LPAR3: variants seen among roughly 807,000 people sequenced by gnomAD.
LPAR3 encodes LPA receptor 3.
In LPAR3, 7 loss-of-function variants were observed where a neutral mutation model predicts 17.8. That is an observed-to-expected ratio of 0.39 (90% CI 0.22 to 0.74). LPAR3 has a LOEUF of 0.74. LPAR3 is among the 30% of genes least tolerant of loss of function. The pLI, the probability that LPAR3 is intolerant of heterozygous loss-of-function variation, is 0.40. For synonymous variants in LPAR3, 179 were observed against 179.9 expected, an observed-to-expected ratio of 0.99 and a Z score of 0.04; for missense variants, 391 against 453.4, an observed-to-expected ratio of 0.86 and a Z score of 1.25.
intron 2 of LPAR3, among the ~76,000 whole-genome samples, chr1:84,844,550 ATG>A (rs1185169169): frequency 6.6e-6 from 1 of 152,192 alleles, no homozygotes; most frequent in Non-Finnish European, 1.5e-5. Flanking sequence ...ATGCTTGGAG[ATG>A]TATATAAAAC....
At chr1:84,862,395 A>G (rs1467507381) in intron 2 of LPAR3, among the ~76,000 whole-genome samples, 1 of 152,174 alleles carries the variant, frequency 6.6e-6, no homozygotes, top group Non-Finnish European at 1.5e-5. Flanking sequence ...AAATATGTGA[A>G]CTCTAGAGGC....
At chr1:84,861,158 C>T (rs1194361192) in intron 2 of LPAR3, among the ~76,000 whole-genome samples, 1 of 152,202 alleles carries the variant, frequency 6.6e-6, no homozygotes, top group Non-Finnish European at 1.5e-5. Context: ...GAGTATTAAG[C>T]TATTCATCTC....
At chr1:84,817,502 T>G (rs1658960533) in intron 2 of LPAR3, among the ~76,000 whole-genome samples, 2 of 152,158 alleles carry the variant, frequency 1.3e-5, no homozygotes, top group Non-Finnish European at 1.5e-5. Flanking sequence ...GAGAGAGATC[T>G]TGGCCTCCAG....
At chr1:84,861,328 T>C (rs1331629377) in intron 2 of LPAR3, among the ~76,000 whole-genome samples, 2 of 152,128 alleles carry the variant, frequency 1.3e-5, no homozygotes, top group Admixed American at 1.3e-4. Flanking sequence ...CTGTGGTAGG[T>C]GCTGCTGTCA....
In LPAR3 at chr1:84,821,611, C is replaced by T. The variant is rs572225533; in HGVS notation, c.737-7440G>A. Among the ~76,000 whole-genome samples, 6 of 152,260 alleles carry T rather than the reference C, an allele frequency of 3.9e-5. No individual in the cohort carries two copies. The South Asian group carries it at 1.2e-3, about 32-fold the overall frequency. On this transcript the variant is annotated intron_variant, in intron 2 of 2. Coordinates refer to ENST00000370611, the MANE Select transcript of LPAR3 (RefSeq NM_012152.3). ...AGTGAGGAAGGTGTGATCTAGGCAT[C>T]TCCATGTTAGCCATCTCCCTAGGGA...
intron 2 of LPAR3, among the ~76,000 whole-genome samples, chr1:84,826,201 A>G (rs1404006640): frequency 6.6e-6 from 1 of 151,238 alleles, no homozygotes; most frequent in Non-Finnish European, 1.5e-5. Context: ...AGTGCTCAAC[A>G]GCTATATCTT....
chr1:84,821,541 G>A (rs757283798), intron 2 of LPAR3, among the ~76,000 whole-genome samples: 7 of 152,160 alleles, frequency 4.6e-5, no homozygotes, highest in African/African-American at 7.2e-5. Flanking sequence ...TGGGCTGCCT[G>A]CTTAATATTC....
At chr1:84,845,482 G>A (rs1659578717) in intron 2 of LPAR3, among the ~76,000 whole-genome samples, 1 of 152,126 alleles carries the variant, frequency 6.6e-6, no homozygotes, top group Non-Finnish European at 1.5e-5. Context: ...TAGGTATAAA[G>A]GCCCTGTAAA....
chr1:84,838,242 T>A (rs1393964081), intron 2 of LPAR3, among the ~76,000 whole-genome samples: 1 of 152,166 alleles, frequency 6.6e-6, no homozygotes, highest in Non-Finnish European at 1.5e-5. Flanking sequence ...GCCACTAGCC[T>A]CTGTGCATGA....
At chr1:84,872,590 C>A (rs1382079528) in intron 1 of LPAR3, among the ~76,000 whole-genome samples, 2 of 152,020 alleles carry the variant, frequency 1.3e-5, no homozygotes, top group Non-Finnish European at 2.9e-5. Context: ...ATCCATGAGT[C>A]CATACTGACA....
At chr1:84,879,219 T>C (rs1264792593) in intron 1 of LPAR3, among the ~76,000 whole-genome samples, 1 of 152,228 alleles carries the variant, frequency 6.6e-6, no homozygotes, top group Non-Finnish European at 1.5e-5. Context: ...CTGTGACTTC[T>C]TTTGTAATTA....
At chr1:84,825,050 C>T (rs1157928631) in intron 2 of LPAR3, among the ~76,000 whole-genome samples, 1 of 152,186 alleles carries the variant, frequency 6.6e-6, no homozygotes, top group African/African-American at 2.4e-5. Context: ...TTTCTCTGCT[C>T]CCAGTATCTC....
At position 84,813,368 on chromosome 1, in the gene LPAR3, G is replaced by C. The variant is rs1271135105; in HGVS notation, c.*478C>G. ...GATTCCTACTGAACACCTAGCTACT[G>C]GCCATGGTTTCTTTGAGGAAAAAAA... On this transcript the variant is annotated 3_prime_UTR_variant, in exon 3 of 3. Coordinates refer to ENST00000370611, the MANE Select transcript of LPAR3 (RefSeq NM_012152.3). 1 of 152,552 alleles carries C rather than the reference G, an allele frequency of 6.6e-6. No homozygotes were observed. The highest frequency in any genetic ancestry group is 1.5e-5 in the Non-Finnish European group (1 of 68,618). The allele number at this position is 152,552 out of a possible 1,614,324, so 9.4% of individuals were successfully genotyped here. A position where few individuals can be genotyped will look rare whatever the true frequency, so the allele number is the denominator to read the frequency against.
intron 2 of LPAR3, among the ~76,000 whole-genome samples, chr1:84,850,880 A>C (rs1028478993): frequency 6.6e-5 from 10 of 152,228 alleles, no homozygotes; most frequent in African/African-American, 2.4e-4. Context: ...AGTTACGATC[A>C]GCACAAGGAC....
chr1:84,860,985 C>T (rs1423839279), intron 2 of LPAR3, among the ~76,000 whole-genome samples: 6 of 152,002 alleles, frequency 3.9e-5, no homozygotes, highest in South Asian at 2.1e-4. Context: ...GTGATCCGCC[C>T]GCCTCGGCCT....
chr1:84,889,636 C>T (rs767633639), intron 1 of LPAR3, among the ~76,000 whole-genome samples: 2 of 152,200 alleles, frequency 1.3e-5, no homozygotes, highest in Non-Finnish European at 2.9e-5. Context: ...ACCTTTGATG[C>T]TATTTCCTCC....
intron 2 of LPAR3, among the ~76,000 whole-genome samples, chr1:84,835,620 T>G (rs1308558695): frequency 1.3e-5 from 2 of 152,226 alleles, no homozygotes; most frequent in Non-Finnish European, 2.9e-5. Context: ...TTCCCACATA[T>G]TTTGCCACTT....
chr1:84,888,683 C>G (rs1314218548), intron 1 of LPAR3, among the ~76,000 whole-genome samples: 4 of 152,144 alleles, frequency 2.6e-5, no homozygotes, highest in African/African-American at 4.8e-5. Context: ...TTATTTAGAC[C>G]GCATGTTTGC....
intron 2 of LPAR3, among the ~76,000 whole-genome samples, chr1:84,821,148 T>C (rs1393276817): frequency 6.7e-6 from 1 of 148,544 alleles, no homozygotes; most frequent in Non-Finnish European, 1.5e-5. Flanking sequence ...AAACCATTTC[T>C]TTTTTTTTTA....
Sources: gnomAD v4.1 joint callset for allele counts (sites outside exome capture counted in the v4.1 genomes callset) on GRCh38, gnomAD v4.1.1 for gene constraint, MANE v1.5 for transcripts, NCBI Gene and HGNC (gene_info 2026-07-23, HGNC 2026-07-21) for gene names.